DCDC1: variants seen among roughly 807,000 people sequenced by gnomAD.
DCDC1 encodes the protein doublecortin domain-containing protein 1.
Under a neutral mutation model 178.3 loss-of-function variants are expected in DCDC1, and 200 were observed. The observed-to-expected ratio is 1.12, with a 90% CI of 1.00 to 1.26. The LOEUF (loss-of-function observed/expected upper bound fraction) is 1.26. DCDC1 is among the 50% of genes most tolerant of loss of function. The pLI is 0.00. For synonymous variants in DCDC1, 690 were observed against 604.8 expected (o/e 1.14, Z -2.07); for missense variants, 1,983 against 1,749.2 (o/e 1.13, Z -2.38).
At chr11:31,285,390 C>T (rs1368472935) in intron 7 of DCDC1, among the ~76,000 whole-genome samples, 1 of 152,066 alleles carries the variant, frequency 6.6e-6, no homozygotes, top group African/African-American at 2.4e-5. Flanking sequence ...GCATGACCTC[C>T]TCTGTCGGAA....
rs977652989 is a variant in DCDC1 at position 30,903,467 on chromosome 11, T to C, written c.4510+15A>G. On this transcript the variant is annotated intron_variant, in intron 32 of 38. Coordinates refer to ENST00000684477, the MANE Select transcript of DCDC1 (RefSeq NM_001387274.1). ...CATAAGTAGAATCAGCTAAATGCTG[T>C]AGATTGTAGCCAACCTTCCATACTT... The C allele has an allele frequency of 6.4e-7, 1 of 1,574,274 alleles. No homozygotes were observed. Among genetic ancestry groups the C allele is most frequent in the Non-Finnish European group, 8.6e-7 (1 of 1,158,198 alleles).
intron 7 of DCDC1, among the ~76,000 whole-genome samples, chr11:31,274,007 C>T (rs1945788146): frequency 6.6e-6 from 1 of 152,148 alleles, no homozygotes; most frequent in African/African-American, 2.4e-5. Flanking sequence ...TCAATTACCT[C>T]CCACCTGGGT....
chr11:31,347,370 T>C (rs974137169), intron 1 of DCDC1, among the ~76,000 whole-genome samples: 1 of 152,118 alleles, frequency 6.6e-6, no homozygotes, highest in Non-Finnish European at 1.5e-5. Flanking sequence ...ATCAATGCAT[T>C]AGTTCAAAAT....
chr11:31,080,370 T>G (rs991520775), intron 17 of DCDC1, among the ~76,000 whole-genome samples: 1 of 152,182 alleles, frequency 6.6e-6, no homozygotes, highest in Non-Finnish European at 1.5e-5. Flanking sequence ...ATGTCTGACT[T>G]AAGCTCAACA....
At chr11:30,973,755 C>T (rs140083004) in intron 20 of DCDC1, among the ~76,000 whole-genome samples, 2 of 152,192 alleles carry the variant, frequency 1.3e-5, no homozygotes, top group African/African-American at 4.8e-5. Context: ...TAATATTAAA[C>T]ATAAAGGGAG....
At chr11:30,948,523 C>T (rs1312127274) in intron 21 of DCDC1, among the ~76,000 whole-genome samples, 1 of 152,070 alleles carries the variant, frequency 6.6e-6, no homozygotes, top group Non-Finnish European at 1.5e-5. Context: ...TCATATGGAA[C>T]CAAAAAAGAG....
At chr11:30,944,309 G>T in intron 21 of DCDC1, 1 of 456,608 alleles carries the variant, frequency 2.2e-6, no homozygotes, top group Non-Finnish European at 4.4e-6. Flanking sequence ...TAGGAACCAA[G>T]TCTATCTCCT....
chr11:31,266,132 C>T (rs1945144686), intron 7 of DCDC1, among the ~76,000 whole-genome samples: 1 of 152,064 alleles, frequency 6.6e-6, no homozygotes, highest in African/African-American at 2.4e-5. Flanking sequence ...AGTCTGATCA[C>T]AGTTCACCTT....
chr11:31,072,141 C>T (rs1956605021), intron 18 of DCDC1, among the ~76,000 whole-genome samples: 1 of 151,966 alleles, frequency 6.6e-6, no homozygotes, highest in African/African-American at 2.4e-5. Flanking sequence ...TTACATCTTC[C>T]TAATGTTAAA....
At chr11:30,874,805 T>C (rs1941967132) in intron 38 of DCDC1, among the ~76,000 whole-genome samples, 1 of 152,200 alleles carries the variant, frequency 6.6e-6, no homozygotes, top group Admixed American at 6.5e-5. Flanking sequence ...GTTTCCTACA[T>C]TGAAATTACT....
intron 9 of DCDC1, among the ~76,000 whole-genome samples, chr11:31,237,700 C>T (rs1170883658): frequency 6.6e-6 from 1 of 151,972 alleles, no homozygotes. Flanking sequence ...TTTTTCAATA[C>T]ACTACCAAAG....
chr11:31,141,990 G>A (rs991301234), intron 9 of DCDC1, among the ~76,000 whole-genome samples: 2 of 152,140 alleles, frequency 1.3e-5, no homozygotes, highest in Admixed American at 6.5e-5. Context: ...TGAAGAAGTC[G>A]GCTTTCAAAG....
At chr11:30,999,884 A>C (rs879329597) in intron 20 of DCDC1, among the ~76,000 whole-genome samples, 7 of 152,180 alleles carry the variant, frequency 4.6e-5, no homozygotes, top group Non-Finnish European at 1.0e-4. Context: ...CAGCATTGGT[A>C]AGGGAGATCA....
intron 20 of DCDC1, among the ~76,000 whole-genome samples, chr11:31,011,944 C>T (rs1181058245): frequency 6.6e-6 from 1 of 152,128 alleles, no homozygotes; most frequent in Non-Finnish European, 1.5e-5. Context: ...GGAGGAGGGG[C>T]CTGGTGGGAG....
At chr11:31,194,442 TA>T (rs543604611) in intron 9 of DCDC1, among the ~76,000 whole-genome samples, 40 of 152,172 alleles carry the variant, frequency 2.6e-4, no homozygotes, top group Non-Finnish European at 4.7e-4. Context: ...TAGAAAAAAA[TA>T]AAAGTTACCT....
intron 6 of DCDC1, among the ~76,000 whole-genome samples, chr11:31,295,795 C>T (rs1314829396): frequency 6.6e-6 from 1 of 152,148 alleles, no homozygotes; most frequent in Non-Finnish European, 1.5e-5. Flanking sequence ...TCTAGGGAAT[C>T]TGACCTGAGA....
chr11:30,964,220 TA>T (rs1337098763), intron 20 of DCDC1, among the ~76,000 whole-genome samples: 2 of 152,172 alleles, frequency 1.3e-5, no homozygotes, highest in Non-Finnish European at 2.9e-5. Flanking sequence ...GTATAGTGAT[TA>T]ATGGATAGAG....
At chr11:30,868,268 T>A (rs1194353072) in intron 38 of DCDC1, among the ~76,000 whole-genome samples, 7 of 121,874 alleles carry the variant, frequency 5.7e-5, no homozygotes, top group Non-Finnish European at 1.1e-4. Flanking sequence ...TTTTTTTTTT[T>A]GATATGGAGT....
intron 9 of DCDC1, among the ~76,000 whole-genome samples, chr11:31,175,496 C>T (rs1394535755): frequency 6.6e-6 from 1 of 152,174 alleles, no homozygotes; most frequent in African/African-American, 2.4e-5. Flanking sequence ...GGCCAGTGCA[C>T]CAAGCATACA....
Sources: gnomAD v4.1 joint callset for allele counts (sites outside exome capture counted in the v4.1 genomes callset) on GRCh38, gnomAD v4.1.1 for gene constraint, MANE v1.5 for transcripts, NCBI Gene and HGNC (gene_info 2026-07-23, HGNC 2026-07-21) for gene names.